Variants in CDK7 observed in about 807,000 individuals in gnomAD.
The protein encoded by CDK7 is cyclin dependent kinase 7.
CDK7 carries 25 observed loss-of-function variants against 49.1 expected under a neutral mutation model. That is an observed-to-expected ratio of 0.51 (90% CI 0.37 to 0.71). The LOEUF (loss-of-function observed/expected upper bound fraction) is 0.71. CDK7 is among the 30% of genes least tolerant of loss of function. CDK7 has a pLI of 0.00. For synonymous variants in CDK7, 107 were observed against 140.0 expected (o/e 0.76, Z 1.67); for missense variants, 316 against 411.7 (o/e 0.77, Z 2.01).
At chr5:69,251,137 A>T (rs1750116806) in intron 2 of CDK7, among the ~76,000 whole-genome samples, 2 of 141,496 alleles carry the variant, frequency 1.4e-5, no homozygotes, top group South Asian at 4.5e-4. Context: ...TCGCTCTGTC[A>T]CCCAGGCTGG....
At chr5:69,276,850 T>C (rs776284274) in intron 11 of CDK7, 160 bp downstream of exon 11, 3 of 730,532 alleles carry the variant, frequency 4.1e-6, no homozygotes, top group Non-Finnish European at 6.7e-6. Flanking sequence ...CCGTTTTAGG[T>C]ATGTTTACTT....
At chr5:69,249,259 G>A (rs909483585) in intron 2 of CDK7, among the ~76,000 whole-genome samples, 20 of 152,026 alleles carry the variant, frequency 1.3e-4, no homozygotes, top group Non-Finnish European at 2.5e-4. Flanking sequence ...AGGCTGATGC[G>A]GCTGGACACA....
chr5:69,238,474 A>G (rs889425855), intron 2 of CDK7, among the ~76,000 whole-genome samples: 15 of 151,558 alleles, frequency 9.9e-5, no homozygotes, highest in African/African-American at 3.6e-4. Context: ...TCTTGTAGAG[A>G]CAGGGTCTCA....
At chr5:69,274,065 C>A (rs1439442223) in intron 10 of CDK7, among the ~76,000 whole-genome samples, 1 of 152,180 alleles carries the variant, frequency 6.6e-6, no homozygotes, top group South Asian at 2.1e-4. Flanking sequence ...TGCCTTTTCA[C>A]TCATACTTCT....
chr5:69,235,246 G>A (rs1748880462), intron 1 of CDK7, 148 bp from the exon 2 acceptor site: 4 of 770,954 alleles, frequency 5.2e-6, no homozygotes, highest in Non-Finnish European at 8.9e-6. Flanking sequence ...GAGTAGCCTG[G>A]AGCTGGACGG....
chr5:69,234,873 C>T (rs565877695), upstream of CDK7: 487 of 1,164,442 alleles, frequency 4.2e-4, no homozygotes, highest in Non-Finnish European at 5.3e-4. Flanking sequence ...AGCGACGGAG[C>T]CCGGTGGACG....
intron 8 of CDK7, among the ~76,000 whole-genome samples, chr5:69,264,673 A>G (rs1171118823): frequency 6.6e-6 from 1 of 152,210 alleles, no homozygotes. Flanking sequence ...AAGTGCCATG[A>G]AGAGTACAAT....
intron 2 of CDK7, among the ~76,000 whole-genome samples, chr5:69,246,293 C>A (rs1366754792): frequency 6.6e-6 from 1 of 152,048 alleles, no homozygotes; most frequent in Non-Finnish European, 1.5e-5. Context: ...CATGCCACCA[C>A]GCCTGGCCGA....
intron 8 of CDK7, among the ~76,000 whole-genome samples, chr5:69,266,164 C>T (rs913005730): frequency 1.3e-5 from 2 of 152,152 alleles, no homozygotes; most frequent in Non-Finnish European, 2.9e-5. Flanking sequence ...GGCGCACTTG[C>T]GGTCAGCAGG....
chr5:69,248,372 CTTTTTCTTTTCTTT>C (rs909050268), intron 2 of CDK7, among the ~76,000 whole-genome samples: 3 of 151,768 alleles, frequency 2.0e-5, no homozygotes, highest in African/African-American at 4.8e-5. Context: ...AGGATCCTTT[CTTTTTCTTTTCTTT>C]TTTTTCTTTT....
intron 8 of CDK7, among the ~76,000 whole-genome samples, chr5:69,268,636 A>T (rs972162920): frequency 9.1e-5 from 13 of 143,524 alleles, no homozygotes; most frequent in African/African-American, 3.1e-4. Flanking sequence ...GCAAATCACA[A>T]TGTCAGGAGA....
At chr5:69,259,986 A>G (rs1364610034) in intron 7 of CDK7, 50 bp downstream of exon 7, 1 of 1,102,458 alleles carries the variant, frequency 9.1e-7, no homozygotes, top group Non-Finnish European at 1.4e-6. Flanking sequence ...AGAAATGAGC[A>G]TCAACTGGCT....
intron 8 of CDK7, among the ~76,000 whole-genome samples, chr5:69,268,374 A>T (rs1751300549): frequency 1.3e-5 from 2 of 152,194 alleles, no homozygotes; most frequent in South Asian, 2.1e-4. Flanking sequence ...AAGGCCTGTT[A>T]TATGGGAAGT....
Position 69,272,809 on chromosome 5 carries a change from C to A in CDK7, c.715-83C>A, listed in dbSNP as rs144883771. On this transcript the variant is annotated intron_variant, in intron 9 of 11. Coordinates refer to ENST00000256443, the MANE Select transcript of CDK7 (RefSeq NM_001799.4). ...TCTTGGAATTTTCTATATAAACCATCATATCACCTGAAAATGATTTATTTC... is the reference window on the plus strand; with the variant it reads ...TCTTGGAATTTTCTATATAAACCATAATATCACCTGAAAATGATTTATTTC... 361 of 801,410 alleles carry A rather than the reference C, an allele frequency of 4.5e-4. 1 individual carries two copies. The African/African-American group carries it at 5.1e-3, about 11-fold the overall frequency. 49.6% of individuals were successfully genotyped at this position (801,410 alleles called of 1,614,324 possible). A position where few individuals can be genotyped will look rare whatever the true frequency, so the allele number is the denominator to read the frequency against.
chr5:69,241,117 G>A (rs562274912), intron 2 of CDK7, among the ~76,000 whole-genome samples: 24 of 152,226 alleles, frequency 1.6e-4, no homozygotes, highest in Middle Eastern at 3.4e-3. Flanking sequence ...GGAATTGCTA[G>A]ATCAAATGAT....
chr5:69,272,573 A>G (rs1308254480), intron 9 of CDK7, among the ~76,000 whole-genome samples: 3 of 152,074 alleles, frequency 2.0e-5, no homozygotes, highest in Non-Finnish European at 4.4e-5. Context: ...AGCATTGTAT[A>G]GCTTATAGTA....
At chr5:69,248,464 C>T (rs781632720) in intron 2 of CDK7, among the ~76,000 whole-genome samples, 6 of 151,492 alleles carry the variant, frequency 4.0e-5, no homozygotes, top group South Asian at 2.1e-4. Context: ...GTTGGCTCAC[C>T]GCAACCTCCT....
At chr5:69,241,439 G>C (rs1009268664) in intron 2 of CDK7, among the ~76,000 whole-genome samples, 9 of 149,248 alleles carry the variant, frequency 6.0e-5, no homozygotes, top group African/African-American at 2.2e-4. Flanking sequence ...TCCTGCCTCA[G>C]CCTCCTGAGT....
In CDK7 at chr5:69,255,612, AC is replaced by A. The variant is rs748883119; in HGVS notation, c.297+85del. ...ATATTTGTTTTCTACCCAAGAAGAT[AC>A]TGGTAGTAAAAGAAAAAAAGCTTAA... is the stretch of plus-strand genomic sequence containing the variant. On this transcript the variant is annotated intron_variant, in intron 5 of 11. Transcript: ENST00000256443. 6 of 983,550 alleles carry A rather than the reference AC, an allele frequency of 6.1e-6. No homozygotes were observed. The African/African-American group carries it at 9.5e-5, about 16-fold the overall frequency. The allele number at this position is 983,550 out of a possible 1,614,324, so 60.9% of individuals were successfully genotyped here. A position where few individuals can be genotyped will look rare whatever the true frequency, so the allele number is the denominator to read the frequency against.
Sources: allele counts gnomAD v4.1 joint callset (sites outside exome capture counted in the v4.1 genomes callset), GRCh38; gene constraint gnomAD v4.1.1; transcripts MANE v1.5; gene names NCBI Gene and HGNC (gene_info 2026-07-23, HGNC 2026-07-21).